COL28A1: variants seen among roughly 807,000 people sequenced by gnomAD.
The protein encoded by COL28A1 is collagen type XXVIII alpha 1 chain.
Under a neutral mutation model 150.2 loss-of-function variants are expected in COL28A1, and 161 were observed. The ratio of observed to expected loss-of-function variants is 1.07; its 90% confidence interval spans 0.94 to 1.22. The LOEUF (loss-of-function observed/expected upper bound fraction) is 1.22, where lower values mean the gene tolerates loss of function less well. Ranked by LOEUF, COL28A1 falls within the 50% of genes most tolerant of loss-of-function variation. The pLI is 0.00. For missense variants in COL28A1, 1,617 were observed against 1,388.3 expected (o/e 1.16, Z -2.62); for synonymous variants, 552 against 469.7 (o/e 1.18, Z -2.26).
intron 27 of COL28A1, among the ~76,000 whole-genome samples, chr7:7,393,119 T>C (rs1583280283): frequency 1.3e-5 from 2 of 152,242 alleles, no homozygotes; most frequent in African/African-American, 4.8e-5. Context: ...TTCTTTGATG[T>C]TGGTGATCTT....
chr7:7,410,064 C>T (rs1383537830), intron 27 of COL28A1, among the ~76,000 whole-genome samples: 1 of 152,056 alleles, frequency 6.6e-6, no homozygotes, highest in Non-Finnish European at 1.5e-5. Flanking sequence ...TCTTAACTGG[C>T]TTGAAGGAAT....
upstream of COL28A1, among the ~76,000 whole-genome samples, chr7:7,537,032 C>T (rs7808619): frequency 0.078 from 11,842 of 152,182 alleles, 1,582 homozygotes; most frequent in African/African-American, 0.27. Flanking sequence ...ACAAAAACAT[C>T]ACTAAACCTC....
chr7:7,367,390 A>G (rs1472896893), intron 33 of COL28A1, among the ~76,000 whole-genome samples: 3 of 152,250 alleles, frequency 2.0e-5, no homozygotes, highest in Non-Finnish European at 2.9e-5. Flanking sequence ...AATATCAATA[A>G]GGAAATAATT....
chr7:7,341,674 T>C, the COL28A1 span, among the ~76,000 whole-genome samples: 2 of 152,138 alleles, frequency 1.3e-5, no homozygotes, highest in Non-Finnish European at 2.9e-5. Flanking sequence ...GTATGTAGTA[T>C]TGATTTTCTA....
At chr7:7,520,168 A>G (rs1253120993) in intron 5 of COL28A1, 53 bp from the exon 6 acceptor site, 3 of 818,732 alleles carry the variant, frequency 3.7e-6, no homozygotes, top group Non-Finnish European at 6.1e-6. Flanking sequence ...ATTGTTTTCT[A>G]TACTTTATAA....
rs150768519 is a variant in COL28A1 at position 7,531,724 on chromosome 7, A to C, written c.305T>G (p.Val102Gly). 2 of 1,606,112 alleles carry C rather than the reference A, an allele frequency of 1.2e-6. No homozygotes were observed. The highest frequency in any genetic ancestry group is 3.3e-5 in the Admixed American group (2 of 60,006). Residue 102 changes from valine to glycine, a missense_variant, in exon 3 of 35, where the codon GTC (valine) becomes GGC (glycine). Physicochemically the swap from Val to Gly is moderately radical, Grantham distance 109 (BLOSUM62 -3). Transcript: ENST00000399429. Reference sequence around the variant, plus strand: ...GGAAGAAAAAGGTGGATCAATTTGGACAGAGCTGCTAAACTGAAGGGCTGC... The same window carrying C: ...GGAAGAAAAAGGTGGATCAATTTGGCCAGAGCTGCTAAACTGAAGGGCTGC... ...KLAALQFSSS[V>G]QIDPPFSSWK... is the part of the protein sequence containing the mutation.
At chr7:7,458,396 A>G (rs1338044550) in intron 15 of COL28A1, among the ~76,000 whole-genome samples, 2 of 152,116 alleles carry the variant, frequency 1.3e-5, no homozygotes, top group African/African-American at 4.8e-5. Context: ...AGCCTGGACA[A>G]CAAGAGTGAA....
chr7:7,527,396 T>C (rs561062790), intron 3 of COL28A1, among the ~76,000 whole-genome samples: 18 of 152,292 alleles, frequency 1.2e-4, no homozygotes, highest in African/African-American at 3.1e-4. Context: ...GGACCACCCA[T>C]TGATGGTATG....
chr7:7,511,043 A>G, intron 9 of COL28A1, 48 bp downstream of exon 9: 2 of 1,523,196 alleles, frequency 1.3e-6, no homozygotes, highest in Admixed American at 1.7e-5. Flanking sequence ...AGGAAACGCA[A>G]CCCAAAAGGG....
chr7:7,514,602 G>A (rs1272034697), intron 8 of COL28A1, among the ~76,000 whole-genome samples: 4 of 152,302 alleles, frequency 2.6e-5, no homozygotes, highest in African/African-American at 4.8e-5. Context: ...CACATACCAT[G>A]TGTCTAAATA....
chr7:7,459,893 A>G (rs916076399), intron 15 of COL28A1, among the ~76,000 whole-genome samples: 2 of 152,258 alleles, frequency 1.3e-5, no homozygotes, highest in African/African-American at 4.8e-5. Flanking sequence ...ATCTGAGCAC[A>G]GACAAAAACA....
intron 17 of COL28A1, among the ~76,000 whole-genome samples, chr7:7,453,225 C>T (rs139015197): frequency 2.0e-4 from 30 of 152,230 alleles, no homozygotes; most frequent in African/African-American, 6.7e-4. Context: ...AAGAAAACAA[C>T]AAATGAAAAT....
At chr7:7,465,957 A>G (rs1329976369) in intron 15 of COL28A1, among the ~76,000 whole-genome samples, 8 of 56,440 alleles carry the variant, frequency 1.4e-4, no homozygotes, top group Admixed American at 2.3e-4. Flanking sequence ...CCATCTGTAC[A>G]TCACCATCAT....
intron 12 of COL28A1, among the ~76,000 whole-genome samples, 188 bp downstream of exon 12, chr7:7,490,390 G>A (rs890411544): frequency 5.3e-5 from 8 of 152,174 alleles, no homozygotes; most frequent in African/African-American, 1.4e-4. Context: ...TAAAAAATAC[G>A]TTAATTATTC....
At chr7:7,541,973 A>G in the COL28A1 span, among the ~76,000 whole-genome samples, 3 of 150,862 alleles carry the variant, frequency 2.0e-5, no homozygotes, top group African/African-American at 7.5e-5. Flanking sequence ...TCACATATCT[A>G]ACTCTAGTTG....
chr7:7,439,610 A>C (rs73674558), intron 21 of COL28A1, among the ~76,000 whole-genome samples: 160 of 152,320 alleles, frequency 1.1e-3, no homozygotes, highest in African/African-American at 3.8e-3. Context: ...CATCTTTAAA[A>C]ACAGCTTTAT....
chr7:7,531,298 T>C (rs1782335899), intron 3 of COL28A1, 50 bp downstream of exon 3: 1 of 743,906 alleles, frequency 1.3e-6, no homozygotes, highest in East Asian at 2.6e-5. Context: ...TTACAACAAA[T>C]ATGTCAATAT....
chr7:7,497,863 A>G (rs1439824498), intron 11 of COL28A1, among the ~76,000 whole-genome samples: 1 of 152,244 alleles, frequency 6.6e-6, no homozygotes, highest in Non-Finnish European at 1.5e-5. Context: ...GTAAATCTAC[A>G]TATAAACTGG....
intron 8 of COL28A1, among the ~76,000 whole-genome samples, chr7:7,514,333 G>C (rs1046812742): frequency 5.3e-5 from 8 of 152,064 alleles, no homozygotes; most frequent in African/African-American, 1.9e-4. Context: ...ACATTGTCAC[G>C]CCCATTATTT....
Sources: allele counts gnomAD v4.1 joint callset (sites outside exome capture counted in the v4.1 genomes callset), GRCh38; gene constraint gnomAD v4.1.1; transcripts MANE v1.5; gene names NCBI Gene and HGNC (gene_info 2026-07-23, HGNC 2026-07-21).